Variants in FBXL12 observed in about 807,000 individuals in gnomAD.
FBXL12 encodes the protein F-box and leucine rich repeat protein 12.
A neutral mutation model predicts 24.9 loss-of-function variants in FBXL12; 22 were observed. The observed-to-expected ratio is 0.88, with a 90% CI of 0.63 to 1.26. The LOEUF is 1.26. Among genes scored for constraint, FBXL12 ranks in the 50% most tolerant of loss-of-function variants. The pLI is 0.00. For synonymous variants in FBXL12, 193 were observed against 193.8 expected, an observed-to-expected ratio of 1.00 and a Z score of 0.03; for missense variants, 384 against 434.1, an observed-to-expected ratio of 0.88 and a Z score of 1.03.
In FBXL12 at chr19:9,816,981, T is replaced by C. The variant is rs139546541; in HGVS notation, c.159+1564A>G. On this transcript the variant is annotated intron_variant, in intron 2 of 2. Coordinates refer to ENST00000247977, the MANE Select transcript of FBXL12 (RefSeq NM_017703.3). Reference sequence around the variant, plus strand: ...AAGAAGCAAAAAAGGAAACCCCTGATAAACCCATCAGATCTTGTGAGACTT... The same window carrying C: ...AAGAAGCAAAAAAGGAAACCCCTGACAAACCCATCAGATCTTGTGAGACTT... 3.9e-3 allele frequency among the ~76,000 whole-genome samples: 597 copies of C among 152,270 alleles called. 11 individuals carry two copies. The South Asian group carries it at 0.063, about 16-fold the overall frequency.
chr19:9,819,057 G>A lies in FBXL12; in HGVS notation c.-244C>T, dbSNP rs557917700. Reference sequence around the variant, plus strand: ...GCGGGAGGTGGCTGAGGCGTGATTTGGCCGCGACTGGGAACTAAGACCAAG... The same window carrying A: ...GCGGGAGGTGGCTGAGGCGTGATTTAGCCGCGACTGGGAACTAAGACCAAG... On this transcript the variant is annotated 5_prime_UTR_variant, in exon 1 of 3. Transcript: ENST00000247977. 43 of 571,926 alleles carry A rather than the reference G, an allele frequency of 7.5e-5. No individual in the cohort carries two copies. Among genetic ancestry groups the A allele is most frequent in the African/African-American group, 7.3e-4 (39 of 53,320 alleles). The allele number at this position is 571,926 out of a possible 1,614,324, so 35.4% of individuals were successfully genotyped here. A position where few individuals can be genotyped will look rare whatever the true frequency, so the allele number is the denominator to read the frequency against.
Position 9,810,987 on chromosome 19 carries a change from T to C in FBXL12, c.890A>G (p.Gln297Arg). ...CTTACACAGGATCTTCTCCGCCTCC[T>C]GACCCTCCCACCCCAGCCCCTGCAG... Reference protein sequence around the residue: ...LELQGLGWEGQEAEKILCKGL... With the variant: ...LELQGLGWEGREAEKILCKGL... Residue 297 changes from glutamine (Q) to arginine (R), a missense_variant, in exon 3 of 3, where the codon CAG becomes CGG. By Grantham distance (43) the Gln-to-Arg change is conservative (BLOSUM62 1). Coordinates refer to ENST00000247977, the MANE Select transcript of FBXL12 (RefSeq NM_017703.3). 6.2e-7 allele frequency: 1 copy of C among 1,613,558 alleles called. No individual in the cohort carries two copies. The highest frequency in any genetic ancestry group is 8.5e-7 in the Non-Finnish European group (1 of 1,179,722).
chr19:9,818,831 C>G lies in FBXL12; in HGVS notation c.-18G>C. 1 of 1,545,824 alleles carries G rather than the reference C, an allele frequency of 6.5e-7. No individual in the cohort carries two copies. The highest frequency in any genetic ancestry group is 8.8e-7 in the Non-Finnish European group (1 of 1,142,184). Reference sequence around the variant, plus strand: ...GTCGCCATGATCCCGCCGACACGCACTTCCGCTTCCGGTTAAAGAGACCCG... The same window carrying G: ...GTCGCCATGATCCCGCCGACACGCAGTTCCGCTTCCGGTTAAAGAGACCCG... On this transcript the variant is annotated 5_prime_UTR_variant, in exon 1 of 3. Transcript: ENST00000247977.
chr19:9,817,643 C>T (rs1233484414), intron 2 of FBXL12, among the ~76,000 whole-genome samples: 1 of 152,126 alleles, frequency 6.6e-6, no homozygotes, highest in Non-Finnish European at 1.5e-5. Context: ...TCGAGACCAT[C>T]CTGGGCAACA....
At position 9,819,035 on chromosome 19, in the gene FBXL12, G is replaced by A; in HGVS notation, c.-222C>T. 1 of 587,962 alleles carries A rather than the reference G, an allele frequency of 1.7e-6. No individual in the cohort carries two copies. Among genetic ancestry groups the A allele is most frequent in the Non-Finnish European group, 3.0e-6 (1 of 329,662 alleles). The allele number at this position is 587,962 out of a possible 1,614,324, so 36.4% of individuals were successfully genotyped here. ...TGGCTGAGGCAGTGAGAGGCTTGCG[G>A]GAGGTGGCTGAGGCGTGATTTGGCC... On this transcript the variant is annotated 5_prime_UTR_variant, in exon 1 of 3. Coordinates refer to ENST00000247977, the MANE Select transcript of FBXL12 (RefSeq NM_017703.3).
chr19:9,818,981 A>T lies in FBXL12; in HGVS notation c.-168T>A, dbSNP rs1376709532. The T allele has an allele frequency of 7.6e-6, 5 of 653,870 alleles. No homozygotes were observed. In the African/African-American group the frequency reaches 9.1e-5, roughly 12 times the overall value. 40.5% of individuals were successfully genotyped at this position (653,870 alleles called of 1,614,324 possible). On this transcript the variant is annotated 5_prime_UTR_variant, in exon 1 of 3. Transcript: ENST00000247977. ...GGTCCCAGGGCCGGACCAGCCGCGG[A>T]TGGGGACCAGAAACCAGCCTGGAAA...
intron 2 of FBXL12, chr19:9,818,293 G>A: frequency 5.4e-6 from 3 of 556,976 alleles, no homozygotes; most frequent in Non-Finnish European, 3.2e-6. Flanking sequence ...CTTTCCCTGC[G>A]TGATCTCAGT....
At chr19:9,813,562 C>T (rs1301407446) in intron 2 of FBXL12, 4 of 190,058 alleles carry the variant, frequency 2.1e-5, no homozygotes, top group Non-Finnish European at 1.0e-5. Context: ...AGTGCAGTAG[C>T]GCAATCTCGG....
chr19:9,817,045 C>T (rs1037372213), intron 2 of FBXL12, among the ~76,000 whole-genome samples: 2 of 152,178 alleles, frequency 1.3e-5, no homozygotes, highest in African/African-American at 4.8e-5. Flanking sequence ...AGACTGGCCC[C>T]ATGATTCAAT....
chr19:9,818,763 A>G lies in FBXL12; in HGVS notation c.51T>C (p.Ser17=). The change falls in exon 1 of 3, where the codon TCT becomes TCC. Residue 17 remains serine (S), a synonymous_variant. Coordinates refer to ENST00000247977, the MANE Select transcript of FBXL12 (RefSeq NM_017703.3). ...GGATCCGGTCCCGTACCGGGAGGTA[A>G]GAGAAGATCTCGAGCAGGACCGAGT... ...LPDSVLLEIF[S]YLPVRDRIRI... The G allele has an allele frequency of 1.9e-6, 3 of 1,555,294 alleles. No individual in the cohort carries two copies. Among genetic ancestry groups the G allele is most frequent in the Non-Finnish European group, 2.6e-6 (3 of 1,148,240 alleles).
rs2045721894 is a variant in FBXL12, at chr19:9,810,712, G to A, written c.*184C>T. Reference sequence around the variant, plus strand: ...TAGGCTTCCCAGAGGCTGATGATATGACCAAGGCCACACAGCTGGCAAACA... The same window carrying A: ...TAGGCTTCCCAGAGGCTGATGATATAACCAAGGCCACACAGCTGGCAAACA... On this transcript the variant is annotated 3_prime_UTR_variant, in exon 3 of 3. Coordinates refer to ENST00000247977, the MANE Select transcript of FBXL12 (RefSeq NM_017703.3). 2.0e-6 allele frequency: 1 copy of A among 503,058 alleles called. No individual in the cohort carries two copies. The highest frequency in any genetic ancestry group is 3.5e-6 in the Non-Finnish European group (1 of 282,562). The allele number at this position is 503,058 out of a possible 1,614,324, so 31.2% of individuals were successfully genotyped here.
In FBXL12 at chr19:9,813,669, G is replaced by GT. The variant is rs201316930; in HGVS notation, c.160-1953dup. Among the ~76,000 whole-genome samples the GT allele has an allele frequency of 6.4e-3, 976 of 151,756 alleles. 33 individuals are homozygous for GT. The highest frequency in any genetic ancestry group is 0.05 in the Admixed American group (757 of 15,216). ...GGCGTATGCCACCATGCCCGGCTAT[G>GT]TTTTTTTTGTATTTTTAGTAGAGAC... On this transcript the variant is annotated intron_variant, in intron 2 of 2. Transcript: ENST00000247977.
rs186164728 is a variant in FBXL12, at chr19:9,818,485, G to A, written c.159+60C>T. 224 of 1,503,124 alleles carry A rather than the reference G, an allele frequency of 1.5e-4. No homozygotes were observed. The African/African-American group carries it at 2.9e-3, about 19-fold the overall frequency. The allele number at this position is 1,503,124 out of a possible 1,614,324, so 93.1% of individuals were successfully genotyped here. On this transcript the variant is annotated intron_variant, in intron 2 of 2. Coordinates refer to ENST00000247977, the MANE Select transcript of FBXL12 (RefSeq NM_017703.3). ...CACACAGTCCCAGGGTGGGAGAGGT[G>A]GTCTTCGGGGTCCGGGCACCGCGAC...
rs1471953599 is a variant in FBXL12, at chr19:9,810,940, T to C, written c.937A>G (p.Ile313Val). 2.5e-6 allele frequency: 4 copies of C among 1,603,524 alleles called. No individual in the cohort carries two copies. In the South Asian group the frequency reaches 3.3e-5, roughly 13 times the overall value. Residue 313 changes from isoleucine (I) to valine (V), a missense_variant, in exon 3 of 3, where the codon ATC (isoleucine) becomes GTC (valine). Physicochemically the swap from Ile to Val is conservative, Grantham distance 29 (BLOSUM62 3). Coordinates refer to ENST00000247977, the MANE Select transcript of FBXL12 (RefSeq NM_017703.3). ...LCKGLPHCMV[I>V]VRACPKESMD... is the part of the protein sequence containing the mutation. ...GACTCTTTGGGGCAAGCCCTGACGA[T>C]GACCATACAGTGGGGCAGCCCCTTA...
intron 2 of FBXL12, among the ~76,000 whole-genome samples, chr19:9,812,357 C>G (rs776115756): frequency 1.1e-4 from 17 of 151,830 alleles, no homozygotes; most frequent in Admixed American, 3.3e-4. Flanking sequence ...ATGGTGAAAC[C>G]ATGTTTCTAC....
intron 2 of FBXL12, among the ~76,000 whole-genome samples, chr19:9,813,041 A>G (rs1284858643): frequency 6.6e-6 from 1 of 152,188 alleles, no homozygotes; most frequent in Non-Finnish European, 1.5e-5. Flanking sequence ...CCGTTGCACC[A>G]GCCTGGGCAA....
Position 9,811,274 on chromosome 19 carries a change from G to C in FBXL12, c.603C>G (p.Leu201=), listed in dbSNP as rs746290036. 5.6e-6 allele frequency: 9 copies of C among 1,610,694 alleles called. No individual in the cohort carries two copies. The highest frequency in any genetic ancestry group is 7.6e-6 in the Non-Finnish European group (9 of 1,179,986). The change falls in exon 3 of 3, where the codon CTC becomes CTG. Residue 201 remains leucine (L), a synonymous_variant. Coordinates refer to ENST00000247977, the MANE Select transcript of FBXL12 (RefSeq NM_017703.3). The surrounding 1 kb of genome is among the most constrained non-coding windows in gnomAD (Gnocchi z 6.0). ...ETGLDAGLQE[L]SYLQRLEVLG... is the part of the protein sequence containing the mutation. ...GCACCTCAAGCCTCTGCAGATAGCT[G>C]AGCTCCTGCAGGCCAGCATCCAGCC...
At position 9,818,935 on chromosome 19, in the gene FBXL12, C is replaced by T; in HGVS notation, c.-122G>A. ...GTAGCCGGTCGAGAAATTTGACCTT[C>T]CTCTCGCTGGGAAGTGATTCGGTCC... On this transcript the variant is annotated 5_prime_UTR_variant, in exon 1 of 3. Coordinates refer to ENST00000247977, the MANE Select transcript of FBXL12 (RefSeq NM_017703.3). 1.1e-6 allele frequency: 1 copy of T among 919,022 alleles called. No individual in the cohort carries two copies. Among genetic ancestry groups the T allele is most frequent in the Non-Finnish European group, 1.7e-6 (1 of 604,684 alleles). The allele number at this position is 919,022 out of a possible 1,614,324, so 56.9% of individuals were successfully genotyped here. A position where few individuals can be genotyped will look rare whatever the true frequency, so the allele number is the denominator to read the frequency against.
chr19:9,811,855 TC>T lies in FBXL12; in HGVS notation c.160-139del. Reference sequence around the variant, plus strand: ...TTCTGCCCTTGCCTAGCCAGTCTCCTCCCCAGGTTCAACCTCCCCAGGTTCA... The same window carrying T: ...TTCTGCCCTTGCCTAGCCAGTCTCCTCCCAGGTTCAACCTCCCCAGGTTCA... On this transcript the variant is annotated intron_variant, in intron 2 of 2. Coordinates refer to ENST00000247977, the MANE Select transcript of FBXL12 (RefSeq NM_017703.3). This position sits in a 1 kb window ranked among gnomAD's most constrained non-coding sequence, Gnocchi z 6.0. 1.6e-6 allele frequency: 1 copy of T among 633,698 alleles called. No individual in the cohort carries two copies. The highest frequency in any genetic ancestry group is 2.4e-6 in the Non-Finnish European group (1 of 411,890). The allele number at this position is 633,698 out of a possible 1,614,324, so 39.3% of individuals were successfully genotyped here. A position where few individuals can be genotyped will look rare whatever the true frequency, so the allele number is the denominator to read the frequency against.
Sources: allele counts gnomAD v4.1 joint callset (sites outside exome capture counted in the v4.1 genomes callset), GRCh38; gene constraint gnomAD v4.1.1; non-coding constraint Gnocchi (gnomAD v3.1); transcripts MANE v1.5; gene names NCBI Gene and HGNC (gene_info 2026-07-23, HGNC 2026-07-21).